CSMD1: variants seen among roughly 807,000 people sequenced by gnomAD.
The protein encoded by CSMD1 is CUB and Sushi multiple domains 1.
In CSMD1, 213 loss-of-function variants were observed where a neutral mutation model predicts 417.5. The observed-to-expected ratio is 0.51, with a 90% CI of 0.46 to 0.57. CSMD1 has a LOEUF of 0.57. Ranked by LOEUF, CSMD1 falls within the 20% of genes least tolerant of loss-of-function variation. The pLI is 0.00. For missense variants in CSMD1, 6,923 were observed against 4,529.7 expected (o/e 1.53, Z -15.17); for synonymous variants, 2,862 against 1,736.8 (o/e 1.65, Z -16.11).
chr8:4,396,877 G>C (rs571071649), intron 3 of CSMD1, among the ~76,000 whole-genome samples: 57 of 152,134 alleles, frequency 3.7e-4, no homozygotes, highest in Non-Finnish European at 6.9e-4. Flanking sequence ...TCAGGACTAG[G>C]GGGAAAGGGT....
At chr8:4,380,897 A>T (rs1584986401) in intron 3 of CSMD1, among the ~76,000 whole-genome samples, 1 of 152,040 alleles carries the variant, frequency 6.6e-6, no homozygotes, top group African/African-American at 2.4e-5. Context: ...GGTAGTAATA[A>T]TATTATTGTT....
At chr8:4,815,136 T>C (rs915667403) in intron 1 of CSMD1, among the ~76,000 whole-genome samples, 5 of 152,150 alleles carry the variant, frequency 3.3e-5, no homozygotes, top group African/African-American at 4.8e-5. Context: ...TCTAGGTCAA[T>C]ATCAGGAAGA....
At chr8:3,907,298 C>T (rs1291390414) in intron 5 of CSMD1, among the ~76,000 whole-genome samples, 1 of 152,046 alleles carries the variant, frequency 6.6e-6, no homozygotes, top group Non-Finnish European at 1.5e-5. Flanking sequence ...TTTAAGAAGA[C>T]ATTAACGTGG....
intron 3 of CSMD1, among the ~76,000 whole-genome samples, chr8:4,066,673 T>C (rs1486196712): frequency 2.6e-5 from 4 of 152,162 alleles, no homozygotes; most frequent in African/African-American, 7.2e-5. Context: ...ACCAAGAACA[T>C]TTCTATTCTA....
At chr8:3,397,181 T>C (rs956651878) in intron 16 of CSMD1, among the ~76,000 whole-genome samples, 6 of 152,182 alleles carry the variant, frequency 3.9e-5, no homozygotes, top group African/African-American at 1.2e-4. Flanking sequence ...ACCCGGTTTC[T>C]GAGTGCCTGA....
chr8:3,296,457 G>C (rs1489942386), intron 25 of CSMD1, among the ~76,000 whole-genome samples: 1 of 152,098 alleles, frequency 6.6e-6, no homozygotes, highest in African/African-American at 2.4e-5. Flanking sequence ...TTTGTAGGCT[G>C]TTTTAAGGAT....
chr8:3,983,813 A>G (rs1814093714), intron 5 of CSMD1, among the ~76,000 whole-genome samples: 1 of 152,138 alleles, frequency 6.6e-6, no homozygotes, highest in Admixed American at 6.5e-5. Context: ...TGTCAAATGC[A>G]GCTCCAGAGC....
At chr8:4,570,357 T>G (rs959837050) in intron 2 of CSMD1, among the ~76,000 whole-genome samples, 3 of 152,184 alleles carry the variant, frequency 2.0e-5, no homozygotes, top group Non-Finnish European at 4.4e-5. Flanking sequence ...GATGTTGAAT[T>G]TTATCGAAGG....
intron 2 of CSMD1, among the ~76,000 whole-genome samples, chr8:4,431,258 T>G (rs1263641666): frequency 1.3e-5 from 2 of 152,178 alleles, no homozygotes; most frequent in Non-Finnish European, 2.9e-5. Flanking sequence ...CTCAAAGATG[T>G]TAAATAATAA....
intron 54 of CSMD1, among the ~76,000 whole-genome samples, chr8:2,988,118 T>C (rs960539154): frequency 6.6e-6 from 1 of 152,186 alleles, no homozygotes; most frequent in Non-Finnish European, 1.5e-5. Flanking sequence ...TTTACTATTT[T>C]AACATTTTGA....
At chr8:4,713,164 G>A (rs1378977004) in intron 1 of CSMD1, among the ~76,000 whole-genome samples, 1 of 152,074 alleles carries the variant, frequency 6.6e-6, no homozygotes, top group African/African-American at 2.4e-5. Flanking sequence ...TGTGTTCCCC[G>A]GGTGGGGAAA....
intron 3 of CSMD1, among the ~76,000 whole-genome samples, chr8:4,077,947 T>A (rs371465855): frequency 6.6e-6 from 1 of 152,086 alleles, no homozygotes; most frequent in African/African-American, 2.4e-5. Flanking sequence ...TACATACCCA[T>A]ACTCGCCCTG....
intron 1 of CSMD1, among the ~76,000 whole-genome samples, chr8:4,730,883 G>C (rs575627519): frequency 2.0e-5 from 3 of 150,476 alleles, no homozygotes; most frequent in Non-Finnish European, 3.0e-5. Flanking sequence ...CCTTGAGAAA[G>C]GCTTTCCTGT....
At chr8:4,963,392 G>A (rs62489440) in intron 1 of CSMD1, among the ~76,000 whole-genome samples, 24,555 of 151,806 alleles carry the variant, frequency 0.16, 2,137 homozygotes, top group South Asian at 0.18. Flanking sequence ...TAGAGACGAG[G>A]TTTCACCATG....
intron 4 of CSMD1, among the ~76,000 whole-genome samples, chr8:4,003,831 G>C (rs1005073949): frequency 7.8e-6 from 1 of 127,586 alleles, no homozygotes; most frequent in Non-Finnish European, 1.7e-5. Flanking sequence ...ATTCTACCAA[G>C]GTCATTATGT....
At chr8:3,948,628 T>C (rs1811400918) in intron 5 of CSMD1, among the ~76,000 whole-genome samples, 1 of 152,202 alleles carries the variant, frequency 6.6e-6, no homozygotes. Context: ...TACTTACTGC[T>C]TTCCATTATC....
At chr8:4,171,690 G>C (rs913231510) in intron 3 of CSMD1, among the ~76,000 whole-genome samples, 2 of 149,154 alleles carry the variant, frequency 1.3e-5, no homozygotes, top group African/African-American at 2.6e-5. Context: ...TTAGAACAAA[G>C]TTAATTTGCT....
Position 4,882,371 on chromosome 8 carries a change from G to A in CSMD1, c.85+111961C>T, listed in dbSNP as rs1227418919. On this transcript the variant is annotated intron_variant, in intron 1 of 69. Transcript: ENST00000635120. ...TTTGCTTGGGCAATGGGGAGTACCG[G>A]AGGGAAATTGAAGAGTATTGGGGAG... Among the ~76,000 whole-genome samples the A allele has an allele frequency of 2.0e-5, 3 of 151,904 alleles. No individual in the cohort carries two copies. The South Asian group carries it at 6.2e-4, about 32-fold the overall frequency.
chr8:4,966,272 G>C (rs972891771), intron 1 of CSMD1, among the ~76,000 whole-genome samples: 2 of 151,424 alleles, frequency 1.3e-5, no homozygotes, highest in Non-Finnish European at 2.9e-5. Context: ...CCAGCTACTT[G>C]GGAGGCTGAG....
Sources: gnomAD v4.1 joint callset for allele counts (sites outside exome capture counted in the v4.1 genomes callset) on GRCh38, gnomAD v4.1.1 for gene constraint, MANE v1.5 for transcripts, NCBI Gene and HGNC (gene_info 2026-07-23, HGNC 2026-07-21) for gene names.